MTX2: variants seen among roughly 807,000 people sequenced by gnomAD.
The protein encoded by MTX2 is metaxin 2.
In MTX2, 35 loss-of-function variants were observed where a neutral mutation model predicts 42.3. The ratio of observed to expected loss-of-function variants is 0.83; its 90% CI spans 0.63 to 1.10. The LOEUF (loss-of-function observed/expected upper bound fraction) is 1.10. Ranked by LOEUF, MTX2 falls within the 50% of genes least tolerant of loss-of-function variation. The pLI, the probability that MTX2 is intolerant of heterozygous loss-of-function variation, is 0.00. For synonymous variants in MTX2, 119 were observed against 100.9 expected (o/e 1.18, Z -1.08); for missense variants, 307 against 304.1 (o/e 1.01, Z -0.07).
At chr2:176,309,866 A>C (rs551144911) in intron 3 of MTX2, among the ~76,000 whole-genome samples, 2 of 151,816 alleles carry the variant, frequency 1.3e-5, no homozygotes, top group Non-Finnish European at 2.9e-5. Context: ...CCAATTTGCC[A>C]GTCTGTGTCT....
intron 1 of MTX2, among the ~76,000 whole-genome samples, chr2:176,271,773 G>T (rs1575027713): frequency 6.6e-6 from 1 of 152,304 alleles, no homozygotes; most frequent in African/African-American, 2.4e-5. Flanking sequence ...TGATAGAAAT[G>T]TAAAGACCAG....
chr2:176,336,875 C>G (rs925749950), intron 9 of MTX2, among the ~76,000 whole-genome samples: 3 of 151,962 alleles, frequency 2.0e-5, no homozygotes, highest in Non-Finnish European at 2.9e-5. Context: ...GGGGGTCTTT[C>G]AAGTATCCAC....
At chr2:176,303,704 A>C (rs1684079806) in intron 3 of MTX2, among the ~76,000 whole-genome samples, 1 of 152,242 alleles carries the variant, frequency 6.6e-6, no homozygotes, top group East Asian at 1.9e-4. Flanking sequence ...GGCATGGTGT[A>C]TATACAACAT....
intron 9 of MTX2, among the ~76,000 whole-genome samples, chr2:176,331,461 A>C (rs1249606329): frequency 6.6e-6 from 1 of 151,140 alleles, no homozygotes; most frequent in Non-Finnish European, 1.5e-5. Context: ...ATTTGCTATT[A>C]TGTGTTATAT....
chr2:176,326,954 C>A, intron 5 of MTX2, 53 bp downstream of exon 5: 2 of 1,070,796 alleles, frequency 1.9e-6, no homozygotes, highest in South Asian at 1.5e-5. Context: ...ATTCATCATT[C>A]TTTAATGTGT....
intron 1 of MTX2, among the ~76,000 whole-genome samples, chr2:176,286,653 G>A (rs964266299): frequency 2.0e-5 from 3 of 151,554 alleles, no homozygotes; most frequent in South Asian, 2.1e-4. Flanking sequence ...AGGTTCAAGC[G>A]ATTCTCCTGC....
intron 3 of MTX2, 31 bp downstream of exon 3, chr2:176,297,926 C>T: frequency 6.6e-7 from 1 of 1,507,180 alleles, no homozygotes; most frequent in Non-Finnish European, 9.0e-7. Context: ...ATATCTTTTT[C>T]ACCCCCTAGG....
chr2:176,285,418 C>CTTTTTTTTTTTTTTTTTTT (rs61139522), intron 1 of MTX2, among the ~76,000 whole-genome samples: 1 of 130,788 alleles, frequency 7.6e-6, no homozygotes. Flanking sequence ...TTGCCACAAT[C>CTTTTTTTTTTTTTTTTTTT]TTTTTTTTTT....
At chr2:176,318,147 C>T (rs1202956797) in intron 3 of MTX2, among the ~76,000 whole-genome samples, 4 of 151,924 alleles carry the variant, frequency 2.6e-5, no homozygotes, top group African/African-American at 9.7e-5. Flanking sequence ...TCTGTTTCTT[C>T]ATTGTTATTT....
intron 9 of MTX2, 78 bp from the exon 10 acceptor site, chr2:176,337,415 G>C: frequency 7.9e-7 from 1 of 1,259,048 alleles, no homozygotes; most frequent in Non-Finnish European, 1.1e-6. Flanking sequence ...GGGACCTGTG[G>C]GTGAAGAGGG....
intron 1 of MTX2, among the ~76,000 whole-genome samples, chr2:176,285,681 T>A (rs1693183325): frequency 6.6e-6 from 1 of 152,030 alleles, no homozygotes; most frequent in African/African-American, 2.4e-5. Flanking sequence ...GGGTCATCCA[T>A]GTATTCATGT....
Position 176,292,277 on chromosome 2 carries a change from A to G in MTX2, c.41-4583A>G, listed in dbSNP as rs181898775. Among the ~76,000 whole-genome samples, 3 of 152,304 alleles carry G rather than the reference A, an allele frequency of 2.0e-5. No individual in the cohort carries two copies. The East Asian group carries it at 5.8e-4, about 29-fold the overall frequency. ...GGTGAGTCATGACATTTTATTTACT[A>G]TTGAAGTAGTTTGTGGTCTAAAACA... On this transcript the variant is annotated intron_variant, in intron 1 of 9. Transcript: ENST00000249442.
intron 1 of MTX2, among the ~76,000 whole-genome samples, chr2:176,284,510 A>G (rs1471326729): frequency 6.6e-6 from 1 of 152,256 alleles, no homozygotes; most frequent in Non-Finnish European, 1.5e-5. Context: ...ACTGATATTC[A>G]TAATTACTAA....
chr2:176,299,087 G>A (rs1683962615), intron 3 of MTX2, among the ~76,000 whole-genome samples: 1 of 152,158 alleles, frequency 6.6e-6, no homozygotes, highest in South Asian at 2.1e-4. Flanking sequence ...TTCCAACTGG[G>A]CAGCTCTTTA....
chr2:176,293,762 C>G (rs1693378813), intron 1 of MTX2, among the ~76,000 whole-genome samples: 1 of 152,150 alleles, frequency 6.6e-6, no homozygotes. Flanking sequence ...ATTACCCAGT[C>G]TCAGGTATTT....
intron 9 of MTX2, among the ~76,000 whole-genome samples, chr2:176,333,673 G>A (rs903277619): frequency 6.6e-6 from 1 of 151,660 alleles, no homozygotes; most frequent in Non-Finnish European, 1.5e-5. Context: ...TTCAGTCTGT[G>A]ATGGACCAAA....
chr2:176,304,353 AT>A (rs1246689678), intron 3 of MTX2: 1 of 154,012 alleles, frequency 6.5e-6, no homozygotes, highest in Admixed American at 6.6e-5. Flanking sequence ...TTTGCTATAA[AT>A]TACATTCACA....
intron 3 of MTX2, among the ~76,000 whole-genome samples, chr2:176,317,061 T>C (rs1165150264): frequency 2.6e-5 from 4 of 151,242 alleles, no homozygotes; most frequent in Non-Finnish European, 4.4e-5. Flanking sequence ...ACAAAAACTT[T>C]TATTTTCAGA....
At chr2:176,309,430 C>T (rs538542852) in intron 3 of MTX2, among the ~76,000 whole-genome samples, 1 of 152,294 alleles carries the variant, frequency 6.6e-6, no homozygotes, top group South Asian at 2.1e-4. Flanking sequence ...GAGCTGAGTT[C>T]AGGTCCTGGA....
Sources: allele counts gnomAD v4.1 joint callset (sites outside exome capture counted in the v4.1 genomes callset), GRCh38; gene constraint gnomAD v4.1.1; transcripts MANE v1.5; gene names NCBI Gene and HGNC (gene_info 2026-07-23, HGNC 2026-07-21).